The following CALN1 variants were observed in gnomAD, a reference collection of about 807,000 sequenced individuals.
CALN1 encodes the protein calcium-binding protein 8.
Under a neutral mutation model 30.6 loss-of-function variants are expected in CALN1, and 17 were observed. That is an observed-to-expected ratio of 0.56 (90% CI 0.38 to 0.83). The LOEUF is 0.83. CALN1 is among the 40% of genes least tolerant of loss of function. CALN1 has a pLI of 0.00. For synonymous variants in CALN1, 156 were observed against 131.4 expected (o/e 1.19, Z -1.28); for missense variants, 291 against 354.9 (o/e 0.82, Z 1.45).
At chr7:72,041,923 G>A (rs893810511) in intron 4 of CALN1, among the ~76,000 whole-genome samples, 2 of 152,068 alleles carry the variant, frequency 1.3e-5, no homozygotes, top group African/African-American at 4.8e-5. Flanking sequence ...TGATTGTGAG[G>A]CCTCCCCAGC....
intron 2 of CALN1, among the ~76,000 whole-genome samples, chr7:72,383,646 T>TC (rs1805041845): frequency 6.6e-6 from 1 of 152,190 alleles, no homozygotes; most frequent in Non-Finnish European, 1.5e-5. Flanking sequence ...TAGGACCCCA[T>TC]CTTACCTCTA....
upstream of CALN1, among the ~76,000 whole-genome samples, chr7:72,451,189 A>AG (rs1808649508): frequency 9.6e-6 from 1 of 103,918 alleles, no homozygotes; most frequent in Non-Finnish European, 1.9e-5. Context: ...CAGGAGGAGG[A>AG]GAAGAAGAAG....
At chr7:72,330,530 G>GCCTTT (rs1039270524) in intron 2 of CALN1, among the ~76,000 whole-genome samples, 30 of 150,276 alleles carry the variant, frequency 2.0e-4, no homozygotes, top group African/African-American at 7.3e-4. Flanking sequence ...AGCAGTGCTT[G>GCCTTT]CATCTGTCTC....
chr7:71,895,703 G>A (rs144431999), intron 5 of CALN1, among the ~76,000 whole-genome samples: 48 of 152,262 alleles, frequency 3.2e-4, no homozygotes, highest in South Asian at 2.3e-3. Flanking sequence ...AAAAATGACC[G>A]TTTAAGGAAG....
chr7:72,491,329 C>G, the CALN1 span, among the ~76,000 whole-genome samples: 85,424 of 151,978 alleles, frequency 0.56, 24,579 homozygotes, highest in African/African-American at 0.69. Context: ...AGCACTTTGG[C>G]AGACTGAGGC....
At chr7:71,868,095 G>A (rs1174122936) in intron 5 of CALN1, among the ~76,000 whole-genome samples, 1 of 151,740 alleles carries the variant, frequency 6.6e-6, no homozygotes, top group African/African-American at 2.4e-5. Context: ...AAATATTTAT[G>A]CTTACAAAAT....
At chr7:72,294,021 C>A (rs953675924) in intron 2 of CALN1, among the ~76,000 whole-genome samples, 2 of 152,134 alleles carry the variant, frequency 1.3e-5, no homozygotes, top group African/African-American at 2.4e-5. Context: ...TCACTTGAAC[C>A]TGGGAGGTGG....
chr7:72,270,106 T>C (rs1192981233), intron 3 of CALN1, among the ~76,000 whole-genome samples: 1 of 152,020 alleles, frequency 6.6e-6, no homozygotes, highest in Admixed American at 6.6e-5. Context: ...TGTGTGTGTG[T>C]GTATGTATGT....
intron 5 of CALN1, chr7:71,942,280 C>T: frequency 4.8e-6 from 1 of 206,928 alleles, no homozygotes; most frequent in South Asian, 7.1e-5. Context: ...CCACGTGCAG[C>T]CTATCAAGCT....
At chr7:72,149,346 T>C (rs1375289935) in intron 3 of CALN1, among the ~76,000 whole-genome samples, 4 of 152,056 alleles carry the variant, frequency 2.6e-5, no homozygotes, top group Non-Finnish European at 5.9e-5. Flanking sequence ...CAGTCGCCTA[T>C]AATCCCACCT....
In CALN1 at chr7:72,023,736, G is replaced by A. The variant is rs1335000048; in HGVS notation, c.422C>T (p.Thr141Ile). Residue 141 changes from threonine to isoleucine, a missense_variant, in exon 5 of 7, where the codon ACC becomes ATC. By Grantham distance (89) the Thr-to-Ile change is moderately conservative. Transcript: ENST00000395275. ...AGACACCAGTTTGGGGCCAAGAATG[G>A]TCATGAATTCATCAAAATCCACCTG... ...DGQVDFDEFMTILGPKLVSSE... is the reference protein window; with the variant it reads ...DGQVDFDEFMIILGPKLVSSE... 1 of 1,613,842 alleles carries A rather than the reference G, an allele frequency of 6.2e-7. No individual in the cohort carries two copies. Among genetic ancestry groups the A allele is most frequent in the South Asian group, 1.1e-5 (1 of 91,062 alleles).
At chr7:71,982,337 G>T (rs1352968639) in intron 5 of CALN1, among the ~76,000 whole-genome samples, 1 of 152,246 alleles carries the variant, frequency 6.6e-6, no homozygotes, top group African/African-American at 2.4e-5. Flanking sequence ...GCTTACGCCT[G>T]TAATCCCAGC....
At chr7:72,336,480 C>A (rs1438874047) in intron 2 of CALN1, among the ~76,000 whole-genome samples, 1 of 151,964 alleles carries the variant, frequency 6.6e-6, no homozygotes, top group Non-Finnish European at 1.5e-5. Flanking sequence ...GCCAGCTCCA[C>A]GGAAGGCAAG....
intron 3 of CALN1, among the ~76,000 whole-genome samples, chr7:72,164,572 C>T (rs1464962977): frequency 6.6e-6 from 1 of 152,160 alleles, no homozygotes; most frequent in Non-Finnish European, 1.5e-5. Flanking sequence ...GAACATCCAT[C>T]CTTTAGAACT....
chr7:71,905,055 C>T (rs1794056662), intron 5 of CALN1, among the ~76,000 whole-genome samples: 1 of 152,152 alleles, frequency 6.6e-6, no homozygotes, highest in African/African-American at 2.4e-5. Flanking sequence ...TCTCCTGCCT[C>T]AGCCTCCTGA....
chr7:72,009,265 A>G (rs1799940661), intron 5 of CALN1, among the ~76,000 whole-genome samples: 1 of 152,348 alleles, frequency 6.6e-6, no homozygotes, highest in East Asian at 1.9e-4. Context: ...TTCAAGAACT[A>G]ACAATGACAC....
At chr7:72,238,332 T>A (rs941712537) in intron 3 of CALN1, among the ~76,000 whole-genome samples, 3 of 152,234 alleles carry the variant, frequency 2.0e-5, no homozygotes, top group African/African-American at 7.2e-5. Context: ...GCAAAGAGAC[T>A]GAGCTGCTGG....
At chr7:72,309,133 T>A (rs543238450) in intron 2 of CALN1, among the ~76,000 whole-genome samples, 5 of 152,278 alleles carry the variant, frequency 3.3e-5, no homozygotes, top group African/African-American at 1.2e-4. Flanking sequence ...ACAAGCTCTA[T>A]AGCCTGCCTT....
In CALN1 at chr7:72,135,109, C is replaced by G. The variant is rs548116194; in HGVS notation, c.245-28815G>C. 1.1e-4 allele frequency among the ~76,000 whole-genome samples: 17 copies of G among 152,342 alleles called. No homozygotes were observed. In the South Asian group the frequency reaches 3.3e-3, roughly 30 times the overall value. On this transcript the variant is annotated intron_variant, in intron 3 of 6. Coordinates refer to ENST00000395275, the MANE Select transcript of CALN1 (RefSeq NM_031468.4). ...TTAGGATCCGCTTTTAACTCCCCTTCTCTTGCTATTTCCACCACATCTGCA... is the reference window on the plus strand; with the variant it reads ...TTAGGATCCGCTTTTAACTCCCCTTGTCTTGCTATTTCCACCACATCTGCA...
Sources: allele counts gnomAD v4.1 joint callset (sites outside exome capture counted in the v4.1 genomes callset), GRCh38; gene constraint gnomAD v4.1.1; transcripts MANE v1.5; gene names NCBI Gene and HGNC (gene_info 2026-07-23, HGNC 2026-07-21).